Variants in DPYD observed in about 807,000 individuals in gnomAD.
The protein encoded by DPYD is dihydropyrimidine dehydrogenase, also known as dihydropyrimidine dehydrogenase [NADP(+)].
A neutral mutation model predicts 116.2 loss-of-function variants in DPYD; 109 were observed. The observed-to-expected ratio is 0.94, with a 90% CI of 0.80 to 1.10. The LOEUF is 1.10. Ranked by LOEUF, DPYD falls within the 50% of genes least tolerant of loss-of-function variation. The pLI, the probability that DPYD is intolerant of heterozygous loss-of-function variation, is 0.00. For synonymous variants in DPYD, 440 were observed against 432.0 expected, an observed-to-expected ratio of 1.02 and a Z score of -0.23; for missense variants, 1,302 against 1,254.5, an observed-to-expected ratio of 1.04 and a Z score of -0.57.
intron 2 of DPYD, among the ~76,000 whole-genome samples, chr1:97,839,415 G>A (rs1186625408): frequency 6.6e-6 from 1 of 151,976 alleles, no homozygotes; most frequent in African/African-American, 2.4e-5. Context: ...GTTTTATGTT[G>A]CAGCTTTTTG....
intron 13 of DPYD, among the ~76,000 whole-genome samples, chr1:97,460,993 C>A (rs1054243277): frequency 6.7e-6 from 1 of 150,220 alleles, no homozygotes; most frequent in African/African-American, 2.5e-5. Flanking sequence ...GCTAAGATCG[C>A]GCCATTGCAC....
chr1:97,751,674 T>C (rs1003621699), intron 3 of DPYD, among the ~76,000 whole-genome samples: 1 of 151,062 alleles, frequency 6.6e-6, no homozygotes, highest in African/African-American at 2.4e-5. Context: ...TAGGCTGAGG[T>C]AGGAAGATTG....
At chr1:97,323,525 CAT>C (rs71960210) in intron 16 of DPYD, among the ~76,000 whole-genome samples, 63,076 of 106,416 alleles carry the variant, frequency 0.59, 20,643 homozygotes, top group Non-Finnish European at 0.65. Flanking sequence ...TATATATACA[CAT>C]ATATATACAT....
chr1:97,779,233 A>AT (rs540988164), intron 3 of DPYD, among the ~76,000 whole-genome samples: 140 of 152,122 alleles, frequency 9.2e-4, no homozygotes, highest in Middle Eastern at 3.4e-3. Context: ...TTTAGAATCT[A>AT]TTTTTCCAAT....
chr1:97,580,980 G>T (rs1653620925), intron 10 of DPYD, among the ~76,000 whole-genome samples: 1 of 152,048 alleles, frequency 6.6e-6, no homozygotes, highest in South Asian at 2.1e-4. Flanking sequence ...ATAATGGAGG[G>T]TTCTTGCTAA....
intron 3 of DPYD, chr1:97,774,720 TA>T: frequency 1.1e-5 from 2 of 188,676 alleles, no homozygotes; most frequent in Non-Finnish European, 1.2e-5. Flanking sequence ...AAATACGCAA[TA>T]AAAAGTATCT....
intron 4 of DPYD, among the ~76,000 whole-genome samples, chr1:97,724,901 G>T (rs1281853925): frequency 6.7e-6 from 1 of 148,614 alleles, no homozygotes; most frequent in Non-Finnish European, 1.5e-5. Flanking sequence ...AGTGGGGAGG[G>T]ATAGAGATAG....
chr1:97,356,055 C>A (rs1388609760), intron 16 of DPYD, among the ~76,000 whole-genome samples: 1 of 152,126 alleles, frequency 6.6e-6, no homozygotes, highest in Non-Finnish European at 1.5e-5. Flanking sequence ...CAACAGCGTG[C>A]CAGGGCTCCC....
chr1:97,360,899 A>G (rs1030790783), intron 16 of DPYD, among the ~76,000 whole-genome samples: 17 of 152,184 alleles, frequency 1.1e-4, no homozygotes, highest in African/African-American at 4.1e-4. Context: ...AAAGAACTAG[A>G]GAAGCAAGAG....
chr1:97,400,115 T>C (rs1673283245), intron 14 of DPYD, among the ~76,000 whole-genome samples: 2 of 152,178 alleles, frequency 1.3e-5, no homozygotes, highest in Admixed American at 1.3e-4. Context: ...TATTTTGAGA[T>C]ATATCCCATC....
At chr1:97,834,716 C>A (rs993012931) in intron 2 of DPYD, among the ~76,000 whole-genome samples, 42 of 151,506 alleles carry the variant, frequency 2.8e-4, no homozygotes, top group African/African-American at 1.0e-3. Context: ...AATACAAGTA[C>A]ATGCATTTCT....
chr1:97,771,248 C>G (rs10783075), intron 3 of DPYD, among the ~76,000 whole-genome samples: 1 of 152,176 alleles, frequency 6.6e-6, no homozygotes, highest in Non-Finnish European at 1.5e-5. Flanking sequence ...GGTGACAGAA[C>G]GAGACTTTGT....
At chr1:97,198,913 C>T (rs1353301172) in intron 19 of DPYD, among the ~76,000 whole-genome samples, 1 of 152,086 alleles carries the variant, frequency 6.6e-6, no homozygotes, top group Non-Finnish European at 1.5e-5. Context: ...TGGTGGCCCC[C>T]GTGCAGCGTG....
intron 18 of DPYD, among the ~76,000 whole-genome samples, chr1:97,244,474 T>C (rs769150546): frequency 5.9e-5 from 9 of 151,966 alleles, no homozygotes; most frequent in Non-Finnish European, 1.2e-4. Flanking sequence ...AGAAATCCAG[T>C]GCGCAGAGAG....
At chr1:97,534,658 C>A (rs1649863882) in intron 12 of DPYD, among the ~76,000 whole-genome samples, 1 of 151,758 alleles carries the variant, frequency 6.6e-6, no homozygotes, top group South Asian at 2.1e-4. Context: ...TTGTTGTATT[C>A]TTCTGAGTAA....
At chr1:97,500,020 A>C (rs901258115) in intron 13 of DPYD, among the ~76,000 whole-genome samples, 1 of 151,962 alleles carries the variant, frequency 6.6e-6, no homozygotes, top group Non-Finnish European at 1.5e-5. Flanking sequence ...TAAAGGACCT[A>C]TATTCTCCAA....
intron 14 of DPYD, among the ~76,000 whole-genome samples, chr1:97,392,312 G>A (rs1176771596): frequency 6.6e-6 from 1 of 151,782 alleles, no homozygotes; most frequent in Non-Finnish European, 1.5e-5. Context: ...GATCAGGCTG[G>A]TTATTACTGA....
At chr1:97,847,351 A>G (rs1253805626) in intron 2 of DPYD, among the ~76,000 whole-genome samples, 1 of 152,224 alleles carries the variant, frequency 6.6e-6, no homozygotes, top group Non-Finnish European at 1.5e-5. Flanking sequence ...GAAAAATAAA[A>G]GTGTTACAAA....
chr1:97,380,937 C>T (rs368220973), intron 15 of DPYD, among the ~76,000 whole-genome samples: 1 of 152,124 alleles, frequency 6.6e-6, no homozygotes, highest in South Asian at 2.1e-4. Context: ...TGCTACCCTC[C>T]TAGAAGCTGT....
Sources: allele counts gnomAD v4.1 joint callset (sites outside exome capture counted in the v4.1 genomes callset), GRCh38; gene constraint gnomAD v4.1.1; transcripts MANE v1.5; gene names NCBI Gene and HGNC (gene_info 2026-07-23, HGNC 2026-07-21).